Variants in FARS2 observed in about 807,000 individuals in gnomAD.
FARS2 encodes the protein phenylalanine--tRNA ligase, mitochondrial.
In FARS2, 40 loss-of-function variants were observed where a neutral mutation model predicts 46.4. The ratio of observed to expected loss-of-function variants is 0.86; its 90% CI spans 0.67 to 1.12. The LOEUF (loss-of-function observed/expected upper bound fraction) is 1.12. Among genes scored for constraint, FARS2 ranks in the 50% most tolerant of loss-of-function variants. FARS2 has a pLI of 0.00. For synonymous variants in FARS2, 234 were observed against 214.9 expected (o/e 1.09, Z -0.78); for missense variants, 513 against 567.9 (o/e 0.90, Z 0.98).
chr6:5,408,280 C>T (rs1761730650), intron 3 of FARS2, among the ~76,000 whole-genome samples: 1 of 152,284 alleles, frequency 6.6e-6, no homozygotes, highest in African/African-American at 2.4e-5. Flanking sequence ...CCTGCTGAGG[C>T]ACATGCACGC....
chr6:5,269,207 A>G (rs1274336624), intron 1 of FARS2, among the ~76,000 whole-genome samples: 1 of 152,220 alleles, frequency 6.6e-6, no homozygotes, highest in Non-Finnish European at 1.5e-5. Context: ...ATGAAGCTGG[A>G]AACCATCATT....
At chr6:5,755,361 C>A (rs774819841) in intron 6 of FARS2, among the ~76,000 whole-genome samples, 8 of 152,060 alleles carry the variant, frequency 5.3e-5, no homozygotes, top group Non-Finnish European at 8.8e-5. Flanking sequence ...CTTGAGAGAC[C>A]CTGGTATGTG....
intron 4 of FARS2, among the ~76,000 whole-genome samples, chr6:5,529,311 CTT>C (rs538727001): frequency 6.6e-6 from 1 of 151,920 alleles, no homozygotes; most frequent in African/African-American, 2.4e-5. Context: ...GTCACAGTAA[CTT>C]TTTTTTCTTT....
chr6:5,636,810 G>A (rs1370312438), intron 6 of FARS2, among the ~76,000 whole-genome samples: 1 of 152,190 alleles, frequency 6.6e-6, no homozygotes, highest in African/African-American at 2.4e-5. Context: ...TCCTGTTTCT[G>A]TCCCTTGAGA....
intron 6 of FARS2, among the ~76,000 whole-genome samples, chr6:5,628,019 G>GA (rs1403007107): frequency 4.6e-5 from 7 of 151,750 alleles, no homozygotes; most frequent in African/African-American, 1.7e-4. Context: ...AGGAAAAAAG[G>GA]AAACAAAAAG....
At chr6:5,482,797 G>A (rs1360681542) in intron 4 of FARS2, among the ~76,000 whole-genome samples, 2 of 152,244 alleles carry the variant, frequency 1.3e-5, no homozygotes, top group Non-Finnish European at 2.9e-5. Context: ...GACAATGATG[G>A]ATTAGCTAGG....
intron 1 of FARS2, among the ~76,000 whole-genome samples, chr6:5,318,955 TCTC>T (rs1460924286): frequency 6.6e-6 from 1 of 152,068 alleles, no homozygotes; most frequent in Non-Finnish European, 1.5e-5. Context: ...CCGACCCTAT[TCTC>T]CTGTCTCAGC....
chr6:5,745,625 G>A (rs1415360373), intron 6 of FARS2, among the ~76,000 whole-genome samples: 1 of 152,082 alleles, frequency 6.6e-6, no homozygotes, highest in East Asian at 1.9e-4. Context: ...TGCAGCCTCC[G>A]CCACCTGTGC....
intron 3 of FARS2, among the ~76,000 whole-genome samples, chr6:5,415,026 C>G (rs1228846598): frequency 6.6e-6 from 1 of 151,674 alleles, no homozygotes; most frequent in Non-Finnish European, 1.5e-5. Flanking sequence ...ACCAACTTGG[C>G]CAGGCTGGTC....
intron 6 of FARS2, among the ~76,000 whole-genome samples, chr6:5,692,336 C>T (rs891809069): frequency 2.0e-5 from 3 of 152,214 alleles, no homozygotes; most frequent in African/African-American, 4.8e-5. Context: ...GCTCCACCCC[C>T]CTTCTATGAA....
intron 2 of FARS2, among the ~76,000 whole-genome samples, chr6:5,389,823 GTTTT>G (rs1024014268): frequency 6.6e-6 from 1 of 151,156 alleles, no homozygotes; most frequent in Non-Finnish European, 1.5e-5. Flanking sequence ...TCCTACTACA[GTTTT>G]TTTGTTTTTG....
At chr6:5,635,054 G>A (rs961971819) in intron 6 of FARS2, among the ~76,000 whole-genome samples, 5 of 152,312 alleles carry the variant, frequency 3.3e-5, no homozygotes, top group Admixed American at 6.5e-5. Flanking sequence ...CTTGTTGGCC[G>A]TGGAACCATT....
intron 6 of FARS2, among the ~76,000 whole-genome samples, chr6:5,722,144 T>C (rs1167988754): frequency 6.6e-6 from 1 of 152,244 alleles, no homozygotes; most frequent in Non-Finnish European, 1.5e-5. Context: ...CAGTATAAGC[T>C]GGTGCCACTA....
At chr6:5,635,500 A>AT (rs1213776376) in intron 6 of FARS2, among the ~76,000 whole-genome samples, 1 of 152,180 alleles carries the variant, frequency 6.6e-6, no homozygotes, top group East Asian at 1.9e-4. Flanking sequence ...TGAAAAAGAA[A>AT]TTTTTTTAAC....
intron 6 of FARS2, among the ~76,000 whole-genome samples, chr6:5,661,905 T>C (rs1230367221): frequency 6.6e-6 from 1 of 152,084 alleles, no homozygotes; most frequent in Non-Finnish European, 1.5e-5. Flanking sequence ...GAGAGGTAAC[T>C]ATATAAGAGA....
chr6:5,311,221 TA>T lies in FARS2; in HGVS notation c.-22+49566del. Among the ~76,000 whole-genome samples the T allele has an allele frequency of 6.6e-6, 1 of 152,192 alleles. No individual in the cohort carries two copies. The highest frequency in any genetic ancestry group is 1.5e-5 in the Non-Finnish European group (1 of 68,030). ...AATTCCAGTGCATTTTGTTATTAAGTAAAAAGCAAGATGTAGTACATGACCC... is the reference window on the plus strand; with the variant it reads ...AATTCCAGTGCATTTTGTTATTAAGTAAAAGCAAGATGTAGTACATGACCC... On this transcript the variant is annotated intron_variant, in intron 1 of 6. Transcript: ENST00000274680. This position sits in a 1 kb window ranked among gnomAD's most constrained non-coding sequence, Gnocchi z 4.1.
chr6:5,321,896 G>C (rs950202349), intron 1 of FARS2, among the ~76,000 whole-genome samples: 14 of 152,164 alleles, frequency 9.2e-5, no homozygotes, highest in African/African-American at 3.1e-4. Context: ...GACACACACA[G>C]AGTAGAGCTA....
chr6:5,770,918 G>A (rs930376885), intron 6 of FARS2, among the ~76,000 whole-genome samples: 1 of 152,092 alleles, frequency 6.6e-6, no homozygotes, highest in African/African-American at 2.4e-5. Flanking sequence ...GTTGACCCCT[G>A]ACCCTGTCTG....
In FARS2 at chr6:5,298,534, C is replaced by T. The variant is rs73365074; in HGVS notation, c.-22+36874C>T. ...GGTATCTTTAGACTAATCTCTAATT[C>T]GGTGGTTCCCAGCTATGGCAGTACA... On this transcript the variant is annotated intron_variant, in intron 1 of 6. Transcript: ENST00000274680. Among the ~76,000 whole-genome samples the T allele has an allele frequency of 8.3e-3, 1,261 of 152,296 alleles. 9 individuals carry two copies. The highest frequency in any genetic ancestry group is 0.024 in the Middle Eastern group (7 of 294).
Sources: allele counts gnomAD v4.1 joint callset (sites outside exome capture counted in the v4.1 genomes callset), GRCh38; gene constraint gnomAD v4.1.1; non-coding constraint Gnocchi (gnomAD v3.1); transcripts MANE v1.5; gene names NCBI Gene and HGNC (gene_info 2026-07-23, HGNC 2026-07-21).